RIPK1: variants seen among roughly 807,000 people sequenced by gnomAD.
The protein encoded by RIPK1 is receptor interacting serine/threonine kinase 1.
In RIPK1, 27 loss-of-function variants were observed where a neutral mutation model predicts 62.4. The ratio of observed to expected loss-of-function variants is 0.43; its 90% CI spans 0.32 to 0.60. The LOEUF is 0.60. RIPK1 is among the 20% of genes least tolerant of loss of function. The probability of loss-of-function intolerance (pLI) is 0.07; values close to 1 mark genes in which losing one functional copy is unlikely to be tolerated. For missense variants in RIPK1, 735 were observed against 831.0 expected, an observed-to-expected ratio of 0.88 and a Z score of 1.42; for synonymous variants, 287 against 303.2, an observed-to-expected ratio of 0.95 and a Z score of 0.55.
chr6:3,111,109 C>T (rs927439627), intron 10 of RIPK1, among the ~76,000 whole-genome samples, 154 bp downstream of exon 10: 2 of 152,070 alleles, frequency 1.3e-5, no homozygotes, highest in African/African-American at 4.8e-5. Context: ...CCATATAATT[C>T]CTTTGTCATT....
Position 3,095,204 on chromosome 6 carries a change from G to C in RIPK1, c.915+5547G>C, listed in dbSNP as rs553822657. ...TTTTTGTTAATTATTTTAAAATTTA[G>C]GTAAAATGGACCAATGTCTTTAAAA... On this transcript the variant is annotated intron_variant, in intron 7 of 10. Transcript: ENST00000259808. Among the ~76,000 whole-genome samples, 21 of 152,206 alleles carry C rather than the reference G, an allele frequency of 1.4e-4. No individual in the cohort carries two copies. The East Asian group carries it at 2.5e-3, about 18-fold the overall frequency.
At chr6:3,080,839 G>C in intron 3 of RIPK1, 140 bp from the exon 4 acceptor site, 1 of 594,462 alleles carries the variant, frequency 1.7e-6, no homozygotes, top group Non-Finnish European at 2.9e-6. Flanking sequence ...CCCAGTGACA[G>C]CAGTACTGTG....
chr6:3,100,345 AC>A (rs1760529076), intron 7 of RIPK1, among the ~76,000 whole-genome samples: 1 of 151,744 alleles, frequency 6.6e-6, no homozygotes, highest in Non-Finnish European at 1.5e-5. Context: ...AATTGCTTGA[AC>A]CCGGGAGGTG....
chr6:3,076,791 G>A lies in RIPK1; in HGVS notation c.-33G>A, dbSNP rs1392181479. Reference sequence around the variant, plus strand: ...TACAGCTCTGCCGGGGGGGGAAAAAGTGGTACCATTTTGGGCGTTCTTGAG... The same window carrying A: ...TACAGCTCTGCCGGGGGGGGAAAAAATGGTACCATTTTGGGCGTTCTTGAG... On this transcript the variant is annotated 5_prime_UTR_variant, in exon 2 of 11. In the 5' UTR this introduces an upstream ATG that the reference lacks. Transcript: ENST00000259808. 20 of 1,608,186 alleles carry A rather than the reference G, an allele frequency of 1.2e-5. No individual in the cohort carries two copies. The East Asian group carries it at 3.6e-4, about 29-fold the overall frequency.
upstream of RIPK1, among the ~76,000 whole-genome samples, chr6:3,065,287 AAAAAGAC>A (rs1758332406): frequency 2.7e-5 from 4 of 148,908 alleles, no homozygotes; most frequent in Non-Finnish European, 6.0e-5. Flanking sequence ...AAAAAAAAAA[AAAAAGAC>A]ACGGCTTTCT....
At chr6:3,078,730 G>A (rs1326329988) in intron 3 of RIPK1, among the ~76,000 whole-genome samples, 2 of 152,144 alleles carry the variant, frequency 1.3e-5, no homozygotes, top group African/African-American at 2.4e-5. Flanking sequence ...ACACTGGATA[G>A]GATTTAAAAC....
At chr6:3,102,574 T>C (rs979621559) in intron 7 of RIPK1, among the ~76,000 whole-genome samples, 3 of 152,128 alleles carry the variant, frequency 2.0e-5, no homozygotes, top group South Asian at 4.1e-4. Flanking sequence ...GGGTGTGGAA[T>C]TGCTAGATCA....
chr6:3,073,292 A>G (rs962250273), intron 1 of RIPK1, among the ~76,000 whole-genome samples: 2 of 151,610 alleles, frequency 1.3e-5, no homozygotes, highest in Non-Finnish European at 2.9e-5. Context: ...ATGTATATTT[A>G]TACGTATACA....
intron 3 of RIPK1, among the ~76,000 whole-genome samples, chr6:3,078,543 A>G (rs1759214643): frequency 6.6e-6 from 1 of 152,214 alleles, no homozygotes; most frequent in Non-Finnish European, 1.5e-5. Context: ...CCCTGTCTTC[A>G]TGATGCAGAC....
At chr6:3,083,439 T>C in intron 5 of RIPK1, 126 bp downstream of exon 5, 1 of 716,964 alleles carries the variant, frequency 1.4e-6, no homozygotes, top group South Asian at 1.8e-5. Context: ...TCAGTGATCA[T>C]AGGATGAATA....
chr6:3,068,708 C>A, intron 1 of RIPK1, 47 bp downstream of exon 1: 1 of 976,816 alleles, frequency 1.0e-6, no homozygotes, highest in Non-Finnish European at 1.2e-6. Context: ...GGCCGCCGGG[C>A]TCAGTCCCGG....
intron 6 of RIPK1, among the ~76,000 whole-genome samples, chr6:3,086,309 G>C (rs1477757618): frequency 6.6e-6 from 1 of 152,200 alleles, no homozygotes; most frequent in Non-Finnish European, 1.5e-5. Context: ...GTAATACCCA[G>C]GGGTACAATA....
intron 5 of RIPK1, among the ~76,000 whole-genome samples, chr6:3,083,907 CATCCTGT>C (rs1561755474): frequency 6.6e-6 from 1 of 152,146 alleles, no homozygotes; most frequent in Non-Finnish European, 1.5e-5. Context: ...CCCCCAAACA[CATCCTGT>C]CGACACTGTC....
chr6:3,072,001 A>C lies in RIPK1; in HGVS notation c.-61+3340A>C, dbSNP rs1385924514. ...TCTGTGACCTTTTTTAAATATTATT[A>C]AACATTCTTTCACAACATCGCTTTT... On this transcript the variant is annotated intron_variant, in intron 1 of 10. Transcript: ENST00000259808. The surrounding 1 kb of genome is among the most constrained non-coding windows in gnomAD (Gnocchi z 5.6). Among the ~76,000 whole-genome samples, 1 of 152,236 alleles carries C rather than the reference A, an allele frequency of 6.6e-6. No homozygotes were observed. Among genetic ancestry groups the C allele is most frequent in the Non-Finnish European group, 1.5e-5 (1 of 68,040 alleles).
chr6:3,096,726 A>ATT (rs36106254), intron 7 of RIPK1, among the ~76,000 whole-genome samples: 18,991 of 139,860 alleles, frequency 0.14, 3,356 homozygotes, highest in African/African-American at 0.41. Context: ...CACCCAGCGA[A>ATT]TTTTTTTTTT....
chr6:3,089,499 AT>A, intron 6 of RIPK1, 81 bp from the exon 7 acceptor site: 1 of 742,760 alleles, frequency 1.3e-6, no homozygotes, highest in Non-Finnish European at 2.3e-6. Context: ...GAGGTAAGTA[AT>A]TCAAAGATAA....
intron 9 of RIPK1, among the ~76,000 whole-genome samples, chr6:3,107,070 G>A (rs991696590): frequency 1.3e-5 from 2 of 151,890 alleles, no homozygotes; most frequent in African/African-American, 4.8e-5. Flanking sequence ...GGCTAACATG[G>A]TAAAACCCTG....
intron 10 of RIPK1, among the ~76,000 whole-genome samples, chr6:3,112,699 T>TA (rs869135920): frequency 6.6e-6 from 1 of 152,070 alleles, no homozygotes; most frequent in African/African-American, 2.4e-5. Flanking sequence ...CCCAGCTAAT[T>TA]AAAAAAAATT....
rs1055120389 is a variant in RIPK1, at chr6:3,080,258, T to C, written c.322-721T>C. On this transcript the variant is annotated intron_variant, in intron 3 of 10. Coordinates refer to ENST00000259808, the MANE Select transcript of RIPK1 (RefSeq NM_001354930.2). The stretch of plus-strand genomic sequence containing the variant: ...AGGAAACATCTTGTTTGTATACTGA[T>C]TTTTTATTGTTAAGCAAAACTGTAA... Among the ~76,000 whole-genome samples the C allele has an allele frequency of 1.4e-4, 22 of 152,332 alleles. 1 individual carries two copies. The East Asian group carries it at 4.2e-3, about 29-fold the overall frequency.
Sources: allele counts gnomAD v4.1 joint callset (sites outside exome capture counted in the v4.1 genomes callset), GRCh38; gene constraint gnomAD v4.1.1; non-coding constraint Gnocchi (gnomAD v3.1); transcripts MANE v1.5; gene names NCBI Gene and HGNC (gene_info 2026-07-23, HGNC 2026-07-21).